RPL22: variants seen among roughly 807,000 people sequenced by gnomAD.
The protein encoded by RPL22 is ribosomal protein L22.
A neutral mutation model predicts 16.2 loss-of-function variants in RPL22; 4 were observed. The observed-to-expected ratio is 0.25, with a 90% CI of 0.12 to 0.57. The LOEUF (loss-of-function observed/expected upper bound fraction) is 0.57. RPL22 is among the 20% of genes least tolerant of loss of function. RPL22 has a pLI of 0.92. For synonymous variants in RPL22, 43 were observed against 54.8 expected, an observed-to-expected ratio of 0.78 and a Z score of 0.95; for missense variants, 83 against 156.1, an observed-to-expected ratio of 0.53 and a Z score of 2.49.
chr1:6,192,681 GGAGT>G (rs1182120921), intron 3 of RPL22, among the ~76,000 whole-genome samples: 1 of 152,168 alleles, frequency 6.6e-6, no homozygotes, highest in Admixed American at 6.5e-5. Context: ...CCTGGGCGAT[GGAGT>G]GAGACTCCAG....
At chr1:6,196,901 A>G (rs1332524007) in intron 2 of RPL22, among the ~76,000 whole-genome samples, 1 of 152,248 alleles carries the variant, frequency 6.6e-6, no homozygotes, top group East Asian at 1.9e-4. Flanking sequence ...AAAGCTCCAC[A>G]TCAAAGCAGT....
chr1:6,199,414 G>T (rs1013024034), intron 1 of RPL22, 148 bp downstream of exon 1: 140 of 1,391,166 alleles, frequency 1.0e-4, no homozygotes, highest in Non-Finnish European at 1.3e-4. Context: ...GGGATCGGCA[G>T]GGGCTCTGGC....
chr1:6,195,760 TAAATA>T (rs1043261234), intron 2 of RPL22, among the ~76,000 whole-genome samples: 5 of 140,644 alleles, frequency 3.6e-5, no homozygotes, highest in African/African-American at 5.3e-5. Context: ...CAAAAATAAA[TAAATA>T]AAAATAAAAT....
chr1:6,193,819 A>G (rs1667683344), intron 2 of RPL22, among the ~76,000 whole-genome samples: 1 of 152,184 alleles, frequency 6.6e-6, no homozygotes, highest in African/African-American at 2.4e-5. Flanking sequence ...CATACATACT[A>G]TGAGACAACA....
In RPL22 at chr1:6,185,992, A is replaced by ACC; in HGVS notation, c.*679_*680insGG. 8.7e-6 allele frequency: 2 copies of ACC among 230,576 alleles called. No individual in the cohort carries two copies. Among genetic ancestry groups the ACC allele is most frequent in the East Asian group, 1.2e-4 (2 of 16,180 alleles). 14.3% of individuals were successfully genotyped at this position (230,576 alleles called of 1,614,324 possible). ...CCTACAGCTCCCTCTGCTGGAGACG[A>ACC]AAGTGACAGTTTGTTGCAAAGACCT... On this transcript the variant is annotated 3_prime_UTR_variant, in exon 4 of 4. Coordinates refer to ENST00000234875, the MANE Select transcript of RPL22 (RefSeq NM_000983.4).
rs1007677044 is a variant in RPL22, at chr1:6,185,509, G to A, written c.*1163C>T. The A allele has an allele frequency of 1.5e-4, 58 of 397,024 alleles. No homozygotes were observed. Among genetic ancestry groups the A allele is most frequent in the African/African-American group, 1.1e-3 (52 of 48,718 alleles). The allele number at this position is 397,024 out of a possible 1,614,324, so 24.6% of individuals were successfully genotyped here. A position where few individuals can be genotyped will look rare whatever the true frequency, so the allele number is the denominator to read the frequency against. On this transcript the variant is annotated 3_prime_UTR_variant, in exon 4 of 4. Coordinates refer to ENST00000234875, the MANE Select transcript of RPL22 (RefSeq NM_000983.4). ...CACCAAATGTTTAATGGGAGCCAAG[G>A]TAGGACTGAGCATTGAACTTCCAGC...
rs374898156 is a variant in RPL22 at position 6,197,617 on chromosome 1, G to C, written c.117+35C>G. 2.8e-6 allele frequency: 4 copies of C among 1,416,306 alleles called. No homozygotes were observed. In the East Asian group the frequency reaches 9.1e-5, roughly 32 times the overall value. 87.7% of individuals were successfully genotyped at this position (1,416,306 alleles called of 1,614,324 possible). ...TTCTCAACAGTATCTCAAAATGTTC[G>C]TGACCACCCGAGTGGCAATAAGGAT... On this transcript the variant is annotated intron_variant, in intron 2 of 3. Transcript: ENST00000234875.
intron 2 of RPL22, among the ~76,000 whole-genome samples, chr1:6,195,018 T>A (rs936164470): frequency 1.3e-5 from 2 of 151,628 alleles, no homozygotes; most frequent in Admixed American, 1.3e-4. Context: ...GGCGCCTGTT[T>A]CCCAGCTACT....
At chr1:6,199,502 G>A in intron 1 of RPL22, 60 bp downstream of exon 1, 1 of 1,543,544 alleles carries the variant, frequency 6.5e-7, no homozygotes, top group Non-Finnish European at 8.8e-7. Flanking sequence ...GTAGATGCCG[G>A]GCTCGGCGAG....
At chr1:6,190,016 A>G (rs1222362952) in intron 3 of RPL22, among the ~76,000 whole-genome samples, 1 of 152,240 alleles carries the variant, frequency 6.6e-6, no homozygotes, top group Non-Finnish European at 1.5e-5. Flanking sequence ...ATTAACTATT[A>G]TCATCAAGAA....
intron 3 of RPL22, among the ~76,000 whole-genome samples, chr1:6,190,036 G>A (rs1667630369): frequency 6.6e-6 from 1 of 152,212 alleles, no homozygotes; most frequent in Non-Finnish European, 1.5e-5. Flanking sequence ...AAGGAAAGCT[G>A]TAATAGATGA....
intron 2 of RPL22, among the ~76,000 whole-genome samples, chr1:6,195,042 CAGG>C (rs935151455): frequency 1.3e-5 from 2 of 151,776 alleles, no homozygotes; most frequent in Non-Finnish European, 2.9e-5. Flanking sequence ...GAGGCTGAGG[CAGG>C]AGAATGGCAT....
chr1:6,191,674 C>CA (rs1667653146), intron 3 of RPL22, among the ~76,000 whole-genome samples: 4 of 138,382 alleles, frequency 2.9e-5, no homozygotes, highest in Middle Eastern at 4.2e-3. Flanking sequence ...GACTCTGTCT[C>CA]CAAAAAAAAA....
intron 1 of RPL22, chr1:6,199,235 C>A (rs1033420280): frequency 7.9e-6 from 3 of 379,390 alleles, no homozygotes; most frequent in Non-Finnish European, 1.3e-5. Flanking sequence ...CCGCCCTCCA[C>A]CCAGGTAATC....
At chr1:6,196,887 G>A (rs1436823065) in intron 2 of RPL22, among the ~76,000 whole-genome samples, 3 of 152,166 alleles carry the variant, frequency 2.0e-5, no homozygotes, top group African/African-American at 4.8e-5. Flanking sequence ...GCTGCCACCT[G>A]TCCAAAGCTC....
intron 3 of RPL22, among the ~76,000 whole-genome samples, chr1:6,190,389 G>GT (rs994573354): frequency 5.9e-5 from 9 of 151,990 alleles, no homozygotes; most frequent in Non-Finnish European, 1.0e-4. Context: ...TCTTTTGTTT[G>GT]TTTTTTTTGA....
chr1:6,199,309 C>A, intron 1 of RPL22: 1 of 1,029,116 alleles, frequency 9.7e-7, no homozygotes, highest in Non-Finnish European at 1.3e-6. Flanking sequence ...GGCTCCAGCT[C>A]CCCGCTAGCC....
chr1:6,187,632 A>C (rs886683607), intron 3 of RPL22, among the ~76,000 whole-genome samples: 33 of 151,874 alleles, frequency 2.2e-4, no homozygotes, highest in South Asian at 8.3e-4. Context: ...AAAAACAAAA[A>C]AAAAAAACAA....
intron 3 of RPL22, among the ~76,000 whole-genome samples, chr1:6,190,452 C>T (rs2100903031): frequency 6.6e-6 from 1 of 152,312 alleles, no homozygotes; most frequent in East Asian, 1.9e-4. Context: ...GCTATCTTGG[C>T]TCACCGCAAC....
Sources: allele counts gnomAD v4.1 joint callset (sites outside exome capture counted in the v4.1 genomes callset), GRCh38; gene constraint gnomAD v4.1.1; transcripts MANE v1.5; gene names NCBI Gene and HGNC (gene_info 2026-07-23, HGNC 2026-07-21).